Variants in MARCHF1 observed in about 807,000 individuals in gnomAD.
MARCHF1 encodes the protein E3 ubiquitin-protein ligase MARCHF1.
Under a neutral mutation model 54.2 loss-of-function variants are expected in MARCHF1, and 40 were observed. The observed-to-expected ratio is 0.74, with a 90% confidence interval of 0.57 to 0.96. The LOEUF (loss-of-function observed/expected upper bound fraction) is 0.96, where lower values mean the gene tolerates loss of function less well. Ranked by LOEUF, MARCHF1 falls within the 40% of genes least tolerant of loss-of-function variation. MARCHF1 has a pLI of 0.00. For synonymous variants in MARCHF1, 236 were observed against 236.3 expected (o/e 1.00, Z 0.01); for missense variants, 586 against 656.5 (o/e 0.89, Z 1.17).
At chr4:163,923,784 G>A (rs1465939481) in intron 3 of MARCHF1, among the ~76,000 whole-genome samples, 19 of 144,280 alleles carry the variant, frequency 1.3e-4, no homozygotes, top group African/African-American at 4.0e-4. Flanking sequence ...AAAAAAAATA[G>A]AAAAAAGTAA....
At chr4:164,183,969 G>C (rs1446127444) in intron 1 of MARCHF1, among the ~76,000 whole-genome samples, 3 of 152,176 alleles carry the variant, frequency 2.0e-5, no homozygotes, top group South Asian at 2.1e-4. Context: ...CAAGAAGAAT[G>C]AAAGTGCTCC....
intron 1 of MARCHF1, among the ~76,000 whole-genome samples, chr4:164,139,506 A>C (rs552928883): frequency 3.3e-5 from 5 of 150,754 alleles, no homozygotes; most frequent in African/African-American, 1.2e-4. Context: ...AAAAAAAAAA[A>C]GAAGGAAAGG....
chr4:163,905,685 T>A (rs552722477), intron 3 of MARCHF1, among the ~76,000 whole-genome samples: 1 of 152,208 alleles, frequency 6.6e-6, no homozygotes, highest in Non-Finnish European at 1.5e-5. Flanking sequence ...GTTATTGTTT[T>A]ATCTTTGAGC....
At chr4:163,579,697 T>C (rs957253477) in intron 8 of MARCHF1, among the ~76,000 whole-genome samples, 1 of 152,198 alleles carries the variant, frequency 6.6e-6, no homozygotes, top group Non-Finnish European at 1.5e-5. Context: ...GCATTGTGAA[T>C]TGTGAGTATG....
Position 163,700,811 on chromosome 4 carries a change from A to C in MARCHF1, c.162+2T>G. Reference sequence around the variant, plus strand: ...AAACAAGAAAATGAGTACTTCACCTACTTTTGAAATGTTACTTGATCGACT... The same window carrying C: ...AAACAAGAAAATGAGTACTTCACCTCCTTTTGAAATGTTACTTGATCGACT... On this transcript the variant is annotated splice_donor_variant, in intron 5 of 9. Coordinates refer to ENST00000514618, the MANE Select transcript of MARCHF1 (RefSeq NM_001394959.1). LOFTEE classifies it high-confidence loss of function. The C allele has an allele frequency of 6.5e-7, 1 of 1,535,696 alleles. No individual in the cohort carries two copies. Among genetic ancestry groups the C allele is most frequent in the Non-Finnish European group, 8.7e-7 (1 of 1,145,758 alleles).
chr4:163,842,206 A>G (rs1414557787), intron 4 of MARCHF1, among the ~76,000 whole-genome samples: 1 of 152,098 alleles, frequency 6.6e-6, no homozygotes, highest in African/African-American at 2.4e-5. Flanking sequence ...TCAGCCAGCC[A>G]TATCATGTAT....
intron 1 of MARCHF1, among the ~76,000 whole-genome samples, chr4:164,181,244 T>C (rs1730826216): frequency 6.6e-6 from 1 of 152,136 alleles, no homozygotes; most frequent in South Asian, 2.1e-4. Flanking sequence ...ACTAATTAAC[T>C]CCCACTCTCC....
chr4:163,782,684 A>AAAAAG (rs1747502132), intron 4 of MARCHF1, among the ~76,000 whole-genome samples: 1 of 151,186 alleles, frequency 6.6e-6, no homozygotes, highest in Admixed American at 6.6e-5. Flanking sequence ...AAAAAAAAAA[A>AAAAAG]AAAGAAAGAA....
chr4:163,880,232 C>T (rs1300069435), intron 3 of MARCHF1, among the ~76,000 whole-genome samples: 1 of 150,918 alleles, frequency 6.6e-6, no homozygotes, highest in Non-Finnish European at 1.5e-5. Context: ...ACATTAGCAA[C>T]CAGATATAGA....
At chr4:164,272,277 T>C (rs1733762660) in intron 1 of MARCHF1, among the ~76,000 whole-genome samples, 1 of 151,968 alleles carries the variant, frequency 6.6e-6, no homozygotes, top group African/African-American at 2.4e-5. Context: ...TAGTATGTAC[T>C]CAAGAGAAAC....
chr4:163,534,914 A>C (rs1738477679), intron 9 of MARCHF1, among the ~76,000 whole-genome samples: 1 of 152,074 alleles, frequency 6.6e-6, no homozygotes, highest in Non-Finnish European at 1.5e-5. Flanking sequence ...CTCCAGAAAC[A>C]TTTTCATTTT....
At chr4:164,231,921 A>T (rs945875990) in intron 1 of MARCHF1, among the ~76,000 whole-genome samples, 1 of 152,150 alleles carries the variant, frequency 6.6e-6, no homozygotes, top group Non-Finnish European at 1.5e-5. Context: ...TATAATTGCA[A>T]TTAAAATGAT....
At chr4:163,875,030 T>C (rs893756019) in intron 3 of MARCHF1, among the ~76,000 whole-genome samples, 1 of 152,200 alleles carries the variant, frequency 6.6e-6, no homozygotes, top group Admixed American at 6.5e-5. Context: ...AATTTCTGAA[T>C]CTCTGAAAAT....
At chr4:163,932,994 A>G in intron 3 of MARCHF1, 2 of 922,304 alleles carry the variant, frequency 2.2e-6, no homozygotes, top group Non-Finnish European at 3.5e-6. Context: ...CAAGAAAGAG[A>G]TACAATCCAC....
chr4:164,330,399 C>T (rs1258390647), intron 1 of MARCHF1, among the ~76,000 whole-genome samples: 2 of 152,112 alleles, frequency 1.3e-5, no homozygotes, highest in Non-Finnish European at 2.9e-5. Flanking sequence ...TCCCCTCCAT[C>T]ACTTGATCTC....
chr4:164,127,767 C>T (rs900072185), intron 1 of MARCHF1, among the ~76,000 whole-genome samples: 1 of 152,034 alleles, frequency 6.6e-6, no homozygotes, highest in African/African-American at 2.4e-5. Context: ...AAACATAAAA[C>T]AATAATTTTA....
chr4:163,661,392 G>A (rs572410163), intron 5 of MARCHF1, among the ~76,000 whole-genome samples: 5 of 151,880 alleles, frequency 3.3e-5, no homozygotes, highest in South Asian at 4.2e-4. Context: ...CTGAAATTTT[G>A]GCTTTTTAGG....
chr4:164,339,617 AAAG>A (rs771190120), intron 1 of MARCHF1, among the ~76,000 whole-genome samples: 32 of 152,182 alleles, frequency 2.1e-4, no homozygotes, highest in Admixed American at 5.9e-4. Context: ...CATGAATAAA[AAAG>A]AAAGATCTCA....
chr4:163,753,916 A>C (rs1266307987), intron 4 of MARCHF1, among the ~76,000 whole-genome samples: 1 of 152,118 alleles, frequency 6.6e-6, no homozygotes, highest in Non-Finnish European at 1.5e-5. Context: ...CACTTAGGGG[A>C]CCTGGAGCAG....
Sources: allele counts gnomAD v4.1 joint callset (sites outside exome capture counted in the v4.1 genomes callset), GRCh38; gene constraint gnomAD v4.1.1; transcripts MANE v1.5; gene names NCBI Gene and HGNC (gene_info 2026-07-23, HGNC 2026-07-21).